ADGRL3: variants seen among roughly 807,000 people sequenced by gnomAD.
ADGRL3 encodes adhesion G protein-coupled receptor L3, also known as calcium-independent alpha-latrotoxin receptor 3.
A neutral mutation model predicts 153.5 loss-of-function variants in ADGRL3; 62 were observed. That is an observed-to-expected ratio of 0.40 (90% confidence interval 0.33 to 0.50). ADGRL3 has a LOEUF of 0.50. Ranked by LOEUF, ADGRL3 falls within the 20% of genes least tolerant of loss-of-function variation. ADGRL3 has a pLI of 0.47. For synonymous variants in ADGRL3, 710 were observed against 672.5 expected (o/e 1.06, Z -0.86); for missense variants, 1,641 against 1,859.4 (o/e 0.88, Z 2.16).
chr4:61,911,898 A>C (rs1180758121), intron 12 of ADGRL3, among the ~76,000 whole-genome samples: 1 of 152,130 alleles, frequency 6.6e-6, no homozygotes, highest in Non-Finnish European at 1.5e-5. Flanking sequence ...AATTTGGCTT[A>C]TTTATTTAAA....
chr4:61,894,600 C>T (rs528192669), intron 10 of ADGRL3, among the ~76,000 whole-genome samples: 3 of 152,234 alleles, frequency 2.0e-5, no homozygotes, highest in South Asian at 2.1e-4. Flanking sequence ...TTTGAAAGCA[C>T]TTTGCTCTAC....
At chr4:61,855,661 A>G (rs2098254978) in intron 9 of ADGRL3, among the ~76,000 whole-genome samples, 1 of 152,140 alleles carries the variant, frequency 6.6e-6, no homozygotes, top group Non-Finnish European at 1.5e-5. Context: ...GACCTTAATA[A>G]CTCACCTTAA....
At chr4:61,591,445 A>G (rs1202654103) in intron 5 of ADGRL3, among the ~76,000 whole-genome samples, 4 of 152,086 alleles carry the variant, frequency 2.6e-5, no homozygotes, top group Non-Finnish European at 5.9e-5. Flanking sequence ...TTCTGTCTAT[A>G]TGTTTATCTT....
At chr4:61,707,911 G>T (rs931804998) in intron 6 of ADGRL3, among the ~76,000 whole-genome samples, 3 of 152,026 alleles carry the variant, frequency 2.0e-5, no homozygotes, top group African/African-American at 7.2e-5. Context: ...CCATGTCACT[G>T]CTTGTATTAA....
At chr4:61,597,952 T>A (rs1175614949) in intron 5 of ADGRL3, among the ~76,000 whole-genome samples, 1 of 152,122 alleles carries the variant, frequency 6.6e-6, no homozygotes, top group Non-Finnish European at 1.5e-5. Context: ...ATTTTAGAAA[T>A]TAGGGACACA....
rs543499813 is a variant in ADGRL3 at position 61,964,562 on chromosome 4, A to G, written c.2806-15001A>G. Among the ~76,000 whole-genome samples the G allele has an allele frequency of 2.0e-5, 3 of 152,162 alleles. No homozygotes were observed. In the East Asian group the frequency reaches 5.8e-4, roughly 30 times the overall value. On this transcript the variant is annotated intron_variant, in intron 17 of 26. Transcript: ENST00000683033. ...AATAGCTTTGTGGCAAAATATAACT[A>G]CATATAACTTCCCAACTCTTTCAAA...
chr4:61,869,936 T>TAAAAAAAAAAAAAAAAAAAAAAAA lies in ADGRL3; in HGVS notation c.1481-22718_1481-22695dup, dbSNP rs1190618911. On this transcript the variant is annotated intron_variant, in intron 9 of 26. Transcript: ENST00000683033. ...CTGGGCAACAAGAGCAAAACTTTGT[T>TAAAAAAAAAAAAAAAAAAAAAAAA]AAAAAAAAAAAAAAAAAAAAAAAAA... Among the ~76,000 whole-genome samples, 11 of 10,506 alleles carry TAAAAAAAAAAAAAAAAAAAAAAAA rather than the reference T, an allele frequency of 1.0e-3. 4 individuals carry two copies. Among genetic ancestry groups the TAAAAAAAAAAAAAAAAAAAAAAAA allele is most frequent in the East Asian group, 3.2e-3 (2 of 632 alleles). 6.9% of individuals were successfully genotyped at this position (10,506 alleles called of 152,430 possible). A position where few individuals can be genotyped will look rare whatever the true frequency, so the allele number is the denominator to read the frequency against.
intron 5 of ADGRL3, among the ~76,000 whole-genome samples, chr4:61,624,445 A>G (rs1159112253): frequency 3.3e-5 from 5 of 152,134 alleles, no homozygotes; most frequent in Admixed American, 3.3e-4. Context: ...TAAGAAAGAA[A>G]ACCTGGAAGA....
rs1045881834 is a variant in ADGRL3, at chr4:61,221,631, T to C, written c.-240+19866T>C. On this transcript the variant is annotated intron_variant, in intron 1 of 26. Transcript: ENST00000683033. ...GTGAATTGGTAATTTTTCCATGTTT[T>C]TGAGTCTCTTATTAGAATTAATACT... Among the ~76,000 whole-genome samples, 34 of 152,318 alleles carry C rather than the reference T, an allele frequency of 2.2e-4. 1 individual carries two copies. The highest frequency in any genetic ancestry group is 6.7e-4 in the African/African-American group (28 of 41,590).
intron 9 of ADGRL3, among the ~76,000 whole-genome samples, chr4:61,877,217 A>G (rs563156016): frequency 6.6e-6 from 1 of 152,336 alleles, no homozygotes; most frequent in Admixed American, 6.5e-5. Context: ...ATGCAGAGAG[A>G]TGATTTAACT....
chr4:61,904,887 T>C (rs2098688129), intron 11 of ADGRL3, among the ~76,000 whole-genome samples: 1 of 152,176 alleles, frequency 6.6e-6, no homozygotes, highest in Non-Finnish European at 1.5e-5. Flanking sequence ...CCGTGGTACA[T>C]TTAAGTGAAT....
At chr4:61,265,664 G>A (rs1188327114) in intron 1 of ADGRL3, among the ~76,000 whole-genome samples, 1 of 151,830 alleles carries the variant, frequency 6.6e-6, no homozygotes, top group African/African-American at 2.4e-5. Flanking sequence ...AAATTTACTA[G>A]CCTTGAGCAA....
intron 8 of ADGRL3, among the ~76,000 whole-genome samples, chr4:61,775,159 C>T (rs1396335276): frequency 1.3e-5 from 2 of 151,856 alleles, no homozygotes; most frequent in South Asian, 2.1e-4. Context: ...TCATAACCTT[C>T]ACTGAATTAT....
At chr4:62,056,166 A>G (rs1000348222) in intron 25 of ADGRL3, among the ~76,000 whole-genome samples, 3 of 151,856 alleles carry the variant, frequency 2.0e-5, no homozygotes, top group Non-Finnish European at 4.4e-5. Context: ...TTTATGTATT[A>G]AATAATGGTG....
intron 9 of ADGRL3, among the ~76,000 whole-genome samples, chr4:61,814,665 T>C (rs1215114983): frequency 2.0e-5 from 3 of 152,220 alleles, no homozygotes; most frequent in Admixed American, 6.5e-5. Flanking sequence ...TTAAAACTCA[T>C]GAGGTCTGAC....
chr4:61,619,087 T>C (rs2092301237), intron 5 of ADGRL3, among the ~76,000 whole-genome samples: 1 of 152,176 alleles, frequency 6.6e-6, no homozygotes, highest in African/African-American at 2.4e-5. Flanking sequence ...GGCCAACTCT[T>C]GTAGAAGGCA....
chr4:61,821,015 C>G (rs1328298611), intron 9 of ADGRL3, among the ~76,000 whole-genome samples: 1 of 152,018 alleles, frequency 6.6e-6, no homozygotes, highest in Non-Finnish European at 1.5e-5. Context: ...TTTACATATA[C>G]CAGTTGGGAC....
chr4:61,951,909 C>T (rs1433175279), intron 17 of ADGRL3, among the ~76,000 whole-genome samples: 3 of 152,048 alleles, frequency 2.0e-5, no homozygotes, highest in Non-Finnish European at 4.4e-5. Flanking sequence ...TGTAGTGTGA[C>T]AGTTATTTCA....
At chr4:61,688,223 T>G (rs1402774515) in intron 6 of ADGRL3, among the ~76,000 whole-genome samples, 2 of 152,134 alleles carry the variant, frequency 1.3e-5, no homozygotes, top group African/African-American at 4.8e-5. Flanking sequence ...AATAAGTGGC[T>G]GTTTCTTAGT....
Sources: allele counts gnomAD v4.1 joint callset (sites outside exome capture counted in the v4.1 genomes callset), GRCh38; gene constraint gnomAD v4.1.1; transcripts MANE v1.5; gene names NCBI Gene and HGNC (gene_info 2026-07-23, HGNC 2026-07-21).